Variants in GHR observed in about 807,000 individuals in gnomAD.
GHR encodes GH receptor.
Under a neutral mutation model 67.1 loss-of-function variants are expected in GHR, and 35 were observed. The ratio of observed to expected loss-of-function variants is 0.52; its 90% CI spans 0.40 to 0.69. The LOEUF is 0.69. GHR is among the 30% of genes least tolerant of loss of function. The pLI is 0.00. For synonymous variants in GHR, 272 were observed against 269.1 expected (o/e 1.01, Z -0.10); for missense variants, 792 against 764.6 (o/e 1.04, Z -0.42).
intron 1 of GHR, among the ~76,000 whole-genome samples, chr5:42,470,372 C>T (rs1404966396): frequency 6.6e-6 from 1 of 151,766 alleles, no homozygotes; most frequent in Non-Finnish European, 1.5e-5. Flanking sequence ...TTATTAACTG[C>T]TTTTTCTTCC....
At chr5:42,576,069 TA>T (rs1297863454) in intron 2 of GHR, among the ~76,000 whole-genome samples, 21 of 75,488 alleles carry the variant, frequency 2.8e-4, no homozygotes, top group African/African-American at 1.5e-3. Flanking sequence ...TAAAATAAAA[TA>T]AAATAAAATA....
At chr5:42,633,953 C>G (rs1464258188) in intron 3 of GHR, among the ~76,000 whole-genome samples, 1 of 152,134 alleles carries the variant, frequency 6.6e-6, no homozygotes, top group Non-Finnish European at 1.5e-5. Flanking sequence ...GCCCAGTTCC[C>G]ACAAGAGGAT....
chr5:42,540,373 A>G (rs928106919), intron 1 of GHR, among the ~76,000 whole-genome samples: 4 of 152,202 alleles, frequency 2.6e-5, no homozygotes, highest in African/African-American at 7.2e-5. Flanking sequence ...TATAGTAATT[A>G]TCTAGGAATA....
chr5:42,529,585 G>A (rs1747866660), intron 1 of GHR, among the ~76,000 whole-genome samples: 1 of 152,076 alleles, frequency 6.6e-6, no homozygotes, highest in South Asian at 2.1e-4. Context: ...AATCTGTCTG[G>A]CCAGTTCTGG....
intron 1 of GHR, among the ~76,000 whole-genome samples, chr5:42,505,163 T>A (rs2112244854): frequency 6.7e-6 from 1 of 150,232 alleles, no homozygotes; most frequent in East Asian, 2.0e-4. Context: ...TGCCTTATAA[T>A]TTACTTTTAT....
intron 1 of GHR, among the ~76,000 whole-genome samples, chr5:42,497,140 C>G (rs1392030403): frequency 6.6e-6 from 1 of 152,170 alleles, no homozygotes; most frequent in Admixed American, 6.5e-5. Flanking sequence ...GTTTCCCATT[C>G]ATTCCTAAGT....
intron 3 of GHR, among the ~76,000 whole-genome samples, chr5:42,665,001 C>T (rs1203501489): frequency 3.9e-5 from 6 of 152,128 alleles, no homozygotes; most frequent in South Asian, 2.1e-4. Flanking sequence ...AAAATGCTCA[C>T]CATCACTGGC....
At chr5:42,533,619 G>A (rs1021084572) in intron 1 of GHR, among the ~76,000 whole-genome samples, 8 of 151,668 alleles carry the variant, frequency 5.3e-5, no homozygotes, top group Admixed American at 4.6e-4. Flanking sequence ...TTTTTTATAT[G>A]TATGGTATAA....
At chr5:42,487,745 A>G (rs1220869102) in intron 1 of GHR, among the ~76,000 whole-genome samples, 1 of 152,168 alleles carries the variant, frequency 6.6e-6, no homozygotes, top group African/African-American at 2.4e-5. Context: ...GAGAGATTAT[A>G]TTCATATATT....
chr5:42,488,359 C>T, intron 1 of GHR, among the ~76,000 whole-genome samples: 1 of 152,210 alleles, frequency 6.6e-6, no homozygotes. Context: ...AAGTAAATGG[C>T]TTAGCTGGAA....
chr5:42,686,837 G>T (rs908626546), intron 3 of GHR, among the ~76,000 whole-genome samples: 69 of 152,096 alleles, frequency 4.5e-4, no homozygotes, highest in African/African-American at 1.6e-3. Flanking sequence ...GGGCAGTCAG[G>T]CAAGAGAAAG....
chr5:42,636,608 T>G (rs1470495011), intron 3 of GHR, among the ~76,000 whole-genome samples: 2 of 152,208 alleles, frequency 1.3e-5, no homozygotes, highest in Non-Finnish European at 2.9e-5. Context: ...ATACCTGAAG[T>G]CCAGAAAAGC....
At chr5:42,466,982 T>C in intron 1 of GHR, 1 of 1,574,192 alleles carries the variant, frequency 6.4e-7, no homozygotes, top group South Asian at 1.2e-5. Context: ...TTCTCCCCAG[T>C]GTGGGTTCTC....
intron 1 of GHR, chr5:42,465,375 G>C: frequency 9.7e-7 from 1 of 1,029,362 alleles, no homozygotes; most frequent in Non-Finnish European, 1.5e-6. Flanking sequence ...TTAGGTTAAG[G>C]GTATAAAGGG....
chr5:42,648,442 G>A (rs962504189), intron 3 of GHR, among the ~76,000 whole-genome samples: 1 of 152,168 alleles, frequency 6.6e-6, no homozygotes, highest in African/African-American at 2.4e-5. Context: ...GAGGTCATGA[G>A]TGGGTGTGTA....
At chr5:42,526,996 T>A (rs1177804301) in intron 1 of GHR, among the ~76,000 whole-genome samples, 1 of 146,950 alleles carries the variant, frequency 6.8e-6, no homozygotes, top group Non-Finnish European at 1.5e-5. Flanking sequence ...GTTTCCTATG[T>A]GAAGGAGAAA....
At chr5:42,477,601 A>T (rs1001040142) in intron 1 of GHR, among the ~76,000 whole-genome samples, 9 of 152,122 alleles carry the variant, frequency 5.9e-5, no homozygotes, top group South Asian at 4.2e-4. Context: ...GGTATCTCAT[A>T]GTGGTTTTGA....
intron 4 of GHR, among the ~76,000 whole-genome samples, chr5:42,692,702 G>C (rs575603610): frequency 1.9e-4 from 29 of 152,180 alleles, no homozygotes; most frequent in Non-Finnish European, 3.1e-4. Flanking sequence ...AGTCCTCATG[G>C]GGAACAAGGT....
chr5:42,483,875 GA>G (rs955686422), intron 1 of GHR, among the ~76,000 whole-genome samples: 1 of 152,222 alleles, frequency 6.6e-6, no homozygotes, highest in Non-Finnish European at 1.5e-5. Context: ...CACAAGGTTT[GA>G]AAACACAGTT....
Sources: allele counts gnomAD v4.1 joint callset (sites outside exome capture counted in the v4.1 genomes callset), GRCh38; gene constraint gnomAD v4.1.1; transcripts MANE v1.5; gene names NCBI Gene and HGNC (gene_info 2026-07-23, HGNC 2026-07-21).